Variants in RASGRF1 observed in about 807,000 individuals in gnomAD.
The protein encoded by RASGRF1 is Ras protein specific guanine nucleotide releasing factor 1, also known as ras-specific guanine nucleotide-releasing factor 1.
Under a neutral mutation model 138.7 loss-of-function variants are expected in RASGRF1, and 40 were observed. The observed-to-expected ratio is 0.29, with a 90% CI of 0.22 to 0.38. The LOEUF (loss-of-function observed/expected upper bound fraction) is 0.38. Ranked by LOEUF, RASGRF1 falls within the 10% of genes least tolerant of loss-of-function variation. The pLI, the probability that RASGRF1 is intolerant of heterozygous loss-of-function variation, is 1.00. For synonymous variants in RASGRF1, 614 were observed against 663.2 expected, an observed-to-expected ratio of 0.93 and a Z score of 1.14; for missense variants, 1,108 against 1,650.4, an observed-to-expected ratio of 0.67 and a Z score of 5.69.
intron 10 of RASGRF1, 72 bp from the exon 11 acceptor site, chr15:79,020,176 G>A: frequency 2.1e-6 from 3 of 1,415,446 alleles, no homozygotes; most frequent in South Asian, 1.2e-5. Flanking sequence ...CTGGATGATA[G>A]GGTTGGAGGG....
chr15:78,977,416 G>C (rs1319253416), intron 24 of RASGRF1, among the ~76,000 whole-genome samples: 2 of 152,032 alleles, frequency 1.3e-5, no homozygotes, highest in African/African-American at 4.8e-5. Flanking sequence ...GATCAGGTAA[G>C]TAGTCTTTGA....
intron 23 of RASGRF1, 47 bp from the exon 24 acceptor site, chr15:78,980,746 T>G: frequency 7.1e-7 from 1 of 1,410,238 alleles, no homozygotes; most frequent in Non-Finnish European, 9.9e-7. Flanking sequence ...CACGCTGTGA[T>G]CCCCGAGGCC....
intron 26 of RASGRF1, among the ~76,000 whole-genome samples, chr15:78,966,350 C>G (rs924612309): frequency 6.6e-6 from 1 of 150,938 alleles, no homozygotes; most frequent in African/African-American, 2.4e-5. Context: ...GATCTTTCTG[C>G]CTTAGCCTCC....
Position 79,032,001 on chromosome 15 carries a change from T to C in RASGRF1, c.1152+122A>G. On this transcript the variant is annotated intron_variant, in intron 7 of 26. Transcript: ENST00000558480. This position sits in a 1 kb window ranked among gnomAD's most constrained non-coding sequence, Gnocchi z 4.5. ...TTGTCGGCTGCTGGCCCTGACCACC[T>C]CCCCCGCCCCCTTTGGCAGCCCAGA... The C allele has an allele frequency of 8.2e-7, 1 of 1,221,786 alleles. No individual in the cohort carries two copies. The highest frequency in any genetic ancestry group is 1.1e-6 in the Non-Finnish European group (1 of 892,736). The allele number at this position is 1,221,786 out of a possible 1,614,324, so 75.7% of individuals were successfully genotyped here.
chr15:79,088,542 G>A (rs1360887042), intron 1 of RASGRF1, among the ~76,000 whole-genome samples: 1 of 152,178 alleles, frequency 6.6e-6, no homozygotes, highest in Non-Finnish European at 1.5e-5. Context: ...AGGGGGCTGA[G>A]AACAGATAAT....
chr15:79,014,993 G>A (rs1337376549), intron 13 of RASGRF1, among the ~76,000 whole-genome samples: 2 of 151,356 alleles, frequency 1.3e-5, no homozygotes, highest in Non-Finnish European at 2.9e-5. Context: ...ACAAATTGGG[G>A]TTCAGTGTAT....
At chr15:79,003,665 T>C in intron 15 of RASGRF1, 137 bp downstream of exon 15, 1 of 1,347,222 alleles carries the variant, frequency 7.4e-7, no homozygotes, top group South Asian at 1.5e-5. Flanking sequence ...CTCCACTATC[T>C]GCCTGGTGGG....
At chr15:78,978,176 C>CAGAAATTG (rs1194245371) in intron 24 of RASGRF1, among the ~76,000 whole-genome samples, 1 of 151,006 alleles carries the variant, frequency 6.6e-6, no homozygotes, top group Non-Finnish European at 1.5e-5. Context: ...TGGATGCTGG[C>CAGAAATTG]AGAAATTGGA....
chr15:79,060,179 T>C (rs1025489731), intron 2 of RASGRF1, among the ~76,000 whole-genome samples: 3 of 152,190 alleles, frequency 2.0e-5, no homozygotes, highest in Non-Finnish European at 2.9e-5. Flanking sequence ...GGATGGCTGA[T>C]GATGATGTTG....
At chr15:78,994,933 T>C (rs1314235815) in intron 20 of RASGRF1, among the ~76,000 whole-genome samples, 4 of 151,280 alleles carry the variant, frequency 2.6e-5, no homozygotes, top group East Asian at 3.9e-4. Flanking sequence ...CACCTTTTTT[T>C]TTTTTTTTTT....
At chr15:79,067,244 T>G (rs2057692664) in intron 1 of RASGRF1, among the ~76,000 whole-genome samples, 1 of 152,058 alleles carries the variant, frequency 6.6e-6, no homozygotes, top group African/African-American at 2.4e-5. Context: ...CAGAGCCACT[T>G]CAGGCTCCCA....
At position 79,078,753 on chromosome 15, in the gene RASGRF1, G is replaced by A. The variant is rs544239123; in HGVS notation, c.276+11470C>T. On this transcript the variant is annotated intron_variant, in intron 1 of 26. Transcript: ENST00000558480. ...CAAGTCTGAGTCTTCCTGGGCCGTG[G>A]TGGCCGCACCAGAACCTCTGCTTTG... Among the ~76,000 whole-genome samples, 31 of 152,326 alleles carry A rather than the reference G, an allele frequency of 2.0e-4. 1 individual carries two copies. The South Asian group carries it at 2.7e-3, about 13-fold the overall frequency.
At chr15:79,064,215 C>T (rs1160489898) in intron 2 of RASGRF1, among the ~76,000 whole-genome samples, 3 of 152,188 alleles carry the variant, frequency 2.0e-5, no homozygotes, top group African/African-American at 7.2e-5. Flanking sequence ...CTGCAATACT[C>T]ATGGCCTCTC....
chr15:79,072,567 G>T lies in RASGRF1; in HGVS notation c.277-8041C>A. Among the ~76,000 whole-genome samples the T allele has an allele frequency of 1.3e-5, 2 of 152,152 alleles. 1 individual carries two copies. Among genetic ancestry groups the T allele is most frequent in the Middle Eastern group, 6.8e-3 (2 of 294 alleles). ...TGGGACTACAGGCGTGAGCCACCGC[G>T]CCCGGCCAATAAATAATCTTAATAT... On this transcript the variant is annotated intron_variant, in intron 1 of 26. Transcript: ENST00000558480.
intron 3 of RASGRF1, among the ~76,000 whole-genome samples, chr15:79,055,533 G>A (rs943754197): frequency 6.6e-6 from 1 of 151,810 alleles, no homozygotes; most frequent in Non-Finnish European, 1.5e-5. Flanking sequence ...GCATTGCTCC[G>A]AAAATTCCCA....
In RASGRF1 at chr15:78,973,239, G is replaced by T; in HGVS notation, c.3612+64C>A. 1.5e-6 allele frequency: 2 copies of T among 1,335,736 alleles called. No homozygotes were observed. The highest frequency in any genetic ancestry group is 2.1e-6 in the Non-Finnish European group (2 of 954,544). The allele number at this position is 1,335,736 out of a possible 1,614,324, so 82.7% of individuals were successfully genotyped here. On this transcript the variant is annotated intron_variant, in intron 25 of 26. Coordinates refer to ENST00000558480, the MANE Select transcript of RASGRF1 (RefSeq NM_001145648.3). The surrounding 1 kb of genome is among the most constrained non-coding windows in gnomAD (Gnocchi z 4.9). ...GCCTTGGGGGGCAGAGTGTGGGTGGGCCCCAGGTTGAGTCATCTGGGCTTC... is the reference window on the plus strand; with the variant it reads ...GCCTTGGGGGGCAGAGTGTGGGTGGTCCCCAGGTTGAGTCATCTGGGCTTC...
At chr15:79,043,384 A>G (rs144476385) in intron 5 of RASGRF1, among the ~76,000 whole-genome samples, 58 of 152,184 alleles carry the variant, frequency 3.8e-4, no homozygotes, top group African/African-American at 1.3e-3. Flanking sequence ...TCCATGTTAT[A>G]TTTGATTTTG....
chr15:79,007,210 G>T (rs2056696386), intron 13 of RASGRF1, among the ~76,000 whole-genome samples: 1 of 152,220 alleles, frequency 6.6e-6, no homozygotes, highest in African/African-American at 2.4e-5. Context: ...GGGTGAACTT[G>T]CAGGGGTCTT....
chr15:78,997,717 C>A (rs1021106775), intron 19 of RASGRF1, among the ~76,000 whole-genome samples: 53 of 114,560 alleles, frequency 4.6e-4, no homozygotes, highest in African/African-American at 1.7e-3. Flanking sequence ...GCCTGGGTGA[C>A]AAGAGCGAGA....
Sources: allele counts gnomAD v4.1 joint callset (sites outside exome capture counted in the v4.1 genomes callset), GRCh38; gene constraint gnomAD v4.1.1; non-coding constraint Gnocchi (gnomAD v3.1); transcripts MANE v1.5; gene names NCBI Gene and HGNC (gene_info 2026-07-23, HGNC 2026-07-21).